TSEN15: variants seen among roughly 807,000 people sequenced by gnomAD.
The protein encoded by TSEN15 is tRNA-splicing endonuclease subunit Sen15.
In TSEN15, 10 loss-of-function variants were observed where a neutral mutation model predicts 20.5. That is an observed-to-expected ratio of 0.49 (90% CI 0.30 to 0.83). The LOEUF is 0.83. Ranked by LOEUF, TSEN15 falls within the 40% of genes least tolerant of loss-of-function variation. TSEN15 has a pLI of 0.06. For synonymous variants in TSEN15, 72 were observed against 80.1 expected, an observed-to-expected ratio of 0.90 and a Z score of 0.54; for missense variants, 180 against 218.6, an observed-to-expected ratio of 0.82 and a Z score of 1.11.
chr1:184,058,236 A>G, intron 3 of TSEN15: 1 of 420,510 alleles, frequency 2.4e-6, no homozygotes, highest in South Asian at 1.8e-5. Context: ...TGGAATGATA[A>G]CTTGGTAAGC....
rs145709273 is a variant in TSEN15, at chr1:184,070,761, G to A, written c.354-1396G>A. 1.6e-3 allele frequency: 1,220 copies of A among 777,768 alleles called. 3 individuals are homozygous for A. The highest frequency in any genetic ancestry group is 7.6e-3 in the African/African-American group (414 of 54,516). The allele number at this position is 777,768 out of a possible 1,614,324, so 48.2% of individuals were successfully genotyped here. A position where few individuals can be genotyped will look rare whatever the true frequency, so the allele number is the denominator to read the frequency against. On this transcript the variant is annotated intron_variant, in intron 3 of 4. Transcript: ENST00000645668. ...ATGAAGTTTCTGATTAATATCTATCGTTGCTTTATCAGAATATCTTTCTCT... is the reference window on the plus strand; with the variant it reads ...ATGAAGTTTCTGATTAATATCTATCATTGCTTTATCAGAATATCTTTCTCT...
At chr1:184,095,028 C>G (rs900541611) in intron 3 of TSEN15, 2 of 398,502 alleles carry the variant, frequency 5.0e-6, no homozygotes, top group African/African-American at 4.1e-5. Flanking sequence ...CACATTTATC[C>G]AGATCAGGAC....
chr1:184,072,879 T>C lies in TSEN15; in HGVS notation c.*32T>C, dbSNP rs1443174751. ...TGTTTCCTGATGCTTGTTTTATTCATACAAGATTGGATTTGAGACCCATCA... is the reference window on the plus strand; with the variant it reads ...TGTTTCCTGATGCTTGTTTTATTCACACAAGATTGGATTTGAGACCCATCA... On this transcript the variant is annotated 3_prime_UTR_variant, in exon 5 of 5. Transcript: ENST00000645668. The C allele has an allele frequency of 1.9e-6, 3 of 1,596,544 alleles. No individual in the cohort carries two copies.
At chr1:184,068,439 T>C (rs1650769221) in intron 3 of TSEN15, among the ~76,000 whole-genome samples, 1 of 152,186 alleles carries the variant, frequency 6.6e-6, no homozygotes, top group Non-Finnish European at 1.5e-5. Context: ...TGTCCTCACC[T>C]TCCCTCTGCT....
chr1:184,088,899 G>C (rs1651311019), intron 3 of TSEN15, among the ~76,000 whole-genome samples: 1 of 152,076 alleles, frequency 6.6e-6, no homozygotes, highest in Non-Finnish European at 1.5e-5. Context: ...TCTGCCCACT[G>C]CCTCTTCCTT....
chr1:184,072,441 C>T (rs576582464), intron 4 of TSEN15, 143 bp downstream of exon 4: 6 of 792,914 alleles, frequency 7.6e-6, no homozygotes, highest in Middle Eastern at 7.5e-4. Context: ...GATTTTCAGA[C>T]GTCAGAAAAT....
intron 3 of TSEN15, among the ~76,000 whole-genome samples, chr1:184,086,434 T>C (rs1651263305): frequency 6.6e-6 from 1 of 152,208 alleles, no homozygotes. Context: ...TCTATTGCTG[T>C]GTGACAAATT....
At position 184,054,485 on chromosome 1, in the gene TSEN15, TG is replaced by T. The variant is rs558559751; in HGVS notation, c.217+56del. 349 of 1,425,458 alleles carry T rather than the reference TG, an allele frequency of 2.4e-4. 1 individual carries two copies. The African/African-American group carries it at 4.5e-3, about 18-fold the overall frequency. The allele number at this position is 1,425,458 out of a possible 1,614,324, so 88.3% of individuals were successfully genotyped here. A position where few individuals can be genotyped will look rare whatever the true frequency, so the allele number is the denominator to read the frequency against. On this transcript the variant is annotated intron_variant, in intron 2 of 4. Transcript: ENST00000645668. ...TGTTATTGGGACTGTGGTAGAGATT[TG>T]GGGGGTTGGATTGGGATATAGCATT...
In TSEN15 at chr1:184,073,738, A is replaced by C. The variant is rs1472939729; in HGVS notation, c.*891A>C. On this transcript the variant is annotated 3_prime_UTR_variant, in exon 5 of 5. Transcript: ENST00000645668. Reference sequence around the variant, plus strand: ...AAAGATTGGCAAACTTTTTCTATAAAGGGCCAGAAAGTAACTATTTTAGGT... The same window carrying C: ...AAAGATTGGCAAACTTTTTCTATAACGGGCCAGAAAGTAACTATTTTAGGT... 2 of 152,518 alleles carry C rather than the reference A, an allele frequency of 1.3e-5. No individual in the cohort carries two copies. Among genetic ancestry groups the C allele is most frequent in the Non-Finnish European group, 2.9e-5 (2 of 68,014 alleles). The allele number at this position is 152,518 out of a possible 1,614,324, so 9.4% of individuals were successfully genotyped here.
chr1:184,055,497 G>C (rs1650218691), intron 3 of TSEN15, among the ~76,000 whole-genome samples: 1 of 152,104 alleles, frequency 6.6e-6, no homozygotes, highest in African/African-American at 2.4e-5. Context: ...AGTATGTATG[G>C]TAGAAATATT....
intron 3 of TSEN15, among the ~76,000 whole-genome samples, chr1:184,059,426 G>A (rs933491317): frequency 6.6e-6 from 1 of 152,046 alleles, no homozygotes; most frequent in Non-Finnish European, 1.5e-5. Flanking sequence ...AAAATTAGAT[G>A]GGAAAGTTTA....
Position 184,051,834 on chromosome 1 carries a change from G to A in TSEN15, c.79G>A (p.Gly27Ser), listed in dbSNP as rs754005894. ...GPGGVRGFGD[G>S]GGAPSWAPED... is the part of the protein sequence containing the mutation. ...GGGCGGTGTTCGCGGCTTTGGCGAC[G>A]GCGGTGGAGCTCCTTCGTGGGCCCC... is the stretch of plus-strand genomic sequence containing the variant. Residue 27 changes from glycine (G) to serine (S), a missense_variant, in exon 1 of 5, where the codon GGC becomes AGC. Gly to Ser is a moderately conservative substitution (Grantham distance 56). Around this residue, in one of 3 missense-constraint regions of TSEN15, gnomAD observed 76 missense variants for 66.5 expected, o/e 1.14. Coordinates refer to ENST00000645668, the MANE Select transcript of TSEN15 (RefSeq NM_052965.4). The A allele has an allele frequency of 9.0e-6, 14 of 1,547,922 alleles. No individual in the cohort carries two copies. The highest frequency in any genetic ancestry group is 1.2e-5 in the Non-Finnish European group (14 of 1,146,704).
chr1:184,089,227 T>A (rs1385199882), intron 3 of TSEN15, among the ~76,000 whole-genome samples: 1 of 152,266 alleles, frequency 6.6e-6, no homozygotes, highest in Admixed American at 6.5e-5. Flanking sequence ...GTCTTTGATA[T>A]CAATCTAAAT....
chr1:184,082,973 C>T (rs1028561932), intron 3 of TSEN15, among the ~76,000 whole-genome samples: 2 of 152,154 alleles, frequency 1.3e-5, no homozygotes, highest in African/African-American at 4.8e-5. Flanking sequence ...CAGTTACATT[C>T]ACAAACAGAA....
At chr1:184,086,819 G>GCA (rs1651269949) in intron 3 of TSEN15, among the ~76,000 whole-genome samples, 1 of 152,188 alleles carries the variant, frequency 6.6e-6, no homozygotes, top group African/African-American at 2.4e-5. Context: ...TAATCCTGGA[G>GCA]CACACACACT....
intron 3 of TSEN15, chr1:184,094,876 A>C (rs1466631516): frequency 1.3e-5 from 5 of 395,908 alleles, no homozygotes; most frequent in Non-Finnish European, 2.2e-5. Flanking sequence ...ATCACTGAAG[A>C]GTCTGGGTGA....
chr1:184,078,525 C>T (rs905251786), downstream of TSEN15, among the ~76,000 whole-genome samples: 4 of 152,050 alleles, frequency 2.6e-5, no homozygotes, highest in South Asian at 2.1e-4. Flanking sequence ...TCTCTGGTGC[C>T]GCCTTTGCCT....
At chr1:184,054,578 A>C in intron 2 of TSEN15, 143 bp downstream of exon 2, 1 of 1,156,842 alleles carries the variant, frequency 8.6e-7, no homozygotes, top group Non-Finnish European at 1.2e-6. Context: ...TTACATTGGG[A>C]ATTACTGAGT....
chr1:184,074,848 C>T (rs1651025869), downstream of TSEN15, among the ~76,000 whole-genome samples: 1 of 151,910 alleles, frequency 6.6e-6, no homozygotes, highest in Admixed American at 6.6e-5. Flanking sequence ...CTCCATAACT[C>T]CTTCAGGCTC....
Sources: gnomAD v4.1 joint callset for allele counts (sites outside exome capture counted in the v4.1 genomes callset) on GRCh38, gnomAD v4.1.1 for gene constraint, gnomAD v4.1.1 regional missense constraint, MANE v1.5 for transcripts, NCBI Gene and HGNC (gene_info 2026-07-23, HGNC 2026-07-21) for gene names.